Variants in MAF observed in about 807,000 individuals in gnomAD.
The protein encoded by MAF is transcription factor Maf.
MAF carries 10 observed loss-of-function variants against 22.0 expected under a neutral mutation model. That is an observed-to-expected ratio of 0.45 (90% confidence interval 0.28 to 0.77). The LOEUF is 0.77. MAF is among the 30% of genes least tolerant of loss of function. The pLI, the probability that MAF is intolerant of heterozygous loss-of-function variation, is 0.12. For synonymous variants in MAF, 337 were observed against 255.8 expected (o/e 1.32, Z -3.03); for missense variants, 544 against 548.4 (o/e 0.99, Z 0.08).
chr16:79,372,026 A>G, the MAF span, among the ~76,000 whole-genome samples: 1 of 130,612 alleles, frequency 7.7e-6, no homozygotes, highest in South Asian at 2.3e-4. Context: ...ATCACTGGAC[A>G]TGGTAAAGTT....
At chr16:79,323,197 G>C in the MAF span, among the ~76,000 whole-genome samples, 1 of 133,764 alleles carries the variant, frequency 7.5e-6, no homozygotes, top group African/African-American at 2.9e-5. Flanking sequence ...GGCAAATGGG[G>C]CACTAGTGAT....
At chr16:79,437,323 C>T in the MAF span, among the ~76,000 whole-genome samples, 28 of 152,256 alleles carry the variant, frequency 1.8e-4, 1 homozygote, top group South Asian at 5.6e-3. Flanking sequence ...AATAATCCCC[C>T]GTGTAAAACG....
At chr16:79,359,833 G>T in the MAF span, among the ~76,000 whole-genome samples, 2 of 152,114 alleles carry the variant, frequency 1.3e-5, no homozygotes, top group African/African-American at 4.8e-5. Context: ...GGACAGTGAT[G>T]ATGAAGGATT....
chr16:79,586,228 G>C (rs894034833), intron 1 of MAF, among the ~76,000 whole-genome samples: 1 of 152,160 alleles, frequency 6.6e-6, no homozygotes, highest in Non-Finnish European at 1.5e-5. Flanking sequence ...TTGGCAGCCT[G>C]GATCAGCTTT....
the MAF span, among the ~76,000 whole-genome samples, chr16:79,424,513 T>C: frequency 1.3e-5 from 2 of 152,378 alleles, no homozygotes; most frequent in Admixed American, 1.3e-4. Flanking sequence ...ACTGCATTGG[T>C]ATAAGAACAG....
the MAF span, among the ~76,000 whole-genome samples, chr16:79,308,226 C>T: frequency 6.6e-6 from 1 of 152,194 alleles, no homozygotes; most frequent in Non-Finnish European, 1.5e-5. Flanking sequence ...TCATTTAAGA[C>T]ACCTGGAATG....
chr16:79,225,836 C>T, the MAF span, among the ~76,000 whole-genome samples: 4 of 152,188 alleles, frequency 2.6e-5, no homozygotes, highest in Admixed American at 6.5e-5. Flanking sequence ...GAGATACCAT[C>T]TCACACCAGT....
chr16:79,254,276 T>C, the MAF span, among the ~76,000 whole-genome samples: 1 of 152,156 alleles, frequency 6.6e-6, no homozygotes, highest in Non-Finnish European at 1.5e-5. Flanking sequence ...TCTACATTTA[T>C]ATATATGTAG....
At chr16:79,512,673 T>C in the MAF span, among the ~76,000 whole-genome samples, 15 of 152,162 alleles carry the variant, frequency 9.9e-5, no homozygotes, top group African/African-American at 3.4e-4. Context: ...AGCTCCCAGA[T>C]CATCCATATT....
chr16:79,344,861 C>T, the MAF span, among the ~76,000 whole-genome samples: 3 of 152,104 alleles, frequency 2.0e-5, no homozygotes, highest in Non-Finnish European at 4.4e-5. Context: ...ATGTAGCCTT[C>T]CATTTTGTTA....
chr16:79,235,376 G>A, the MAF span, among the ~76,000 whole-genome samples: 1 of 151,838 alleles, frequency 6.6e-6, no homozygotes, highest in East Asian at 1.9e-4. Context: ...AACATATCAA[G>A]ATACCATCCC....
At chr16:79,586,077 C>G (rs116726112) in intron 1 of MAF, 1 of 530,428 alleles carries the variant, frequency 1.9e-6, no homozygotes, top group Non-Finnish European at 3.3e-6. Context: ...TGATTTTGTT[C>G]CATTTGCTTT....
chr16:79,409,540 T>C, the MAF span, among the ~76,000 whole-genome samples: 1 of 152,236 alleles, frequency 6.6e-6, no homozygotes, highest in Non-Finnish European at 1.5e-5. Flanking sequence ...ACATAACAAC[T>C]GCTGGGCTCT....
the MAF span, among the ~76,000 whole-genome samples, chr16:79,556,837 A>G: frequency 5.1e-4 from 77 of 152,336 alleles, no homozygotes; most frequent in African/African-American, 1.7e-3. Flanking sequence ...TAACCACACC[A>G]TAGAGTCATT....
the MAF span, among the ~76,000 whole-genome samples, chr16:79,479,660 T>C: frequency 1.1e-4 from 17 of 152,190 alleles, no homozygotes; most frequent in African/African-American, 3.6e-4. Context: ...CAGTACTGAG[T>C]ATGTGAAAAC....
chr16:79,226,516 T>TA, the MAF span, among the ~76,000 whole-genome samples: 3 of 152,008 alleles, frequency 2.0e-5, no homozygotes, highest in African/African-American at 7.2e-5. Context: ...CCCCAGAACT[T>TA]AAAGTATATA....
the MAF span, among the ~76,000 whole-genome samples, chr16:79,361,839 C>G: frequency 1.3e-5 from 2 of 152,084 alleles, no homozygotes; most frequent in African/African-American, 4.8e-5. Flanking sequence ...TGCTTAAAGT[C>G]CAGGCTGTTA....
At chr16:79,455,847 G>A in the MAF span, among the ~76,000 whole-genome samples, 1 of 152,040 alleles carries the variant, frequency 6.6e-6, no homozygotes, top group Non-Finnish European at 1.5e-5. Flanking sequence ...GTGAAACTCT[G>A]TCTCTGACAA....
At chr16:79,466,597 A>AAAGCAT in the MAF span, among the ~76,000 whole-genome samples, 6 of 152,230 alleles carry the variant, frequency 3.9e-5, no homozygotes, top group African/African-American at 1.2e-4. Context: ...TGCTGTCTAC[A>AAAGCAT]CACCTGGTGG....
Sources: gnomAD v4.1 joint callset for allele counts (sites outside exome capture counted in the v4.1 genomes callset) on GRCh38, gnomAD v4.1.1 for gene constraint, MANE v1.5 for transcripts, NCBI Gene and HGNC (gene_info 2026-07-23, HGNC 2026-07-21) for gene names.